MTMR12: variants seen among roughly 807,000 people sequenced by gnomAD.
MTMR12 encodes the protein myotubularin related protein 12.
A neutral mutation model predicts 96.7 loss-of-function variants in MTMR12; 33 were observed. The ratio of observed to expected loss-of-function variants is 0.34; its 90% CI spans 0.26 to 0.46. The LOEUF is 0.46. Ranked by LOEUF, MTMR12 falls within the 20% of genes least tolerant of loss-of-function variation. MTMR12 has a pLI of 1.00. For synonymous variants in MTMR12, 298 were observed against 327.2 expected, an observed-to-expected ratio of 0.91 and a Z score of 0.96; for missense variants, 721 against 896.1, an observed-to-expected ratio of 0.80 and a Z score of 2.49.
chr5:32,311,883 G>A (rs756281884), intron 1 of MTMR12, among the ~76,000 whole-genome samples: 1 of 152,112 alleles, frequency 6.6e-6, no homozygotes, highest in Non-Finnish European at 1.5e-5. Flanking sequence ...CCACCTTTGC[G>A]AGGAGGAAAA....
chr5:32,244,116 T>C (rs1456523315), intron 10 of MTMR12, among the ~76,000 whole-genome samples: 2 of 152,052 alleles, frequency 1.3e-5, no homozygotes, highest in Non-Finnish European at 2.9e-5. Context: ...CCAATATATT[T>C]AAAAGCTGCA....
At chr5:32,310,925 G>A (rs1471838968) in intron 1 of MTMR12, among the ~76,000 whole-genome samples, 1 of 149,986 alleles carries the variant, frequency 6.7e-6, no homozygotes, top group Non-Finnish European at 1.5e-5. Context: ...CCAAGCTGTA[G>A]TGCAGTGGCG....
At position 32,233,030 on chromosome 5, in the gene MTMR12, GT is replaced by G; in HGVS notation, c.1674+742del. The G allele has an allele frequency of 1.0e-6, 1 of 982,446 alleles. No individual in the cohort carries two copies. The highest frequency in any genetic ancestry group is 4.7e-5 in the South Asian group (1 of 21,230). 60.9% of individuals were successfully genotyped at this position (982,446 alleles called of 1,614,324 possible). The stretch of plus-strand genomic sequence containing the variant: ...GGGCCTGGAGACAGAGCTAGGAAAT[GT>G]CAGTTAAATAATTCATCAGTTAGGG... On this transcript the variant is annotated intron_variant, in intron 15 of 15. Coordinates refer to ENST00000382142, the MANE Select transcript of MTMR12 (RefSeq NM_001040446.3). The surrounding 1 kb of genome is among the most constrained non-coding windows in gnomAD (Gnocchi z 5.0).
At chr5:32,239,929 G>A (rs1748398138) in intron 12 of MTMR12, among the ~76,000 whole-genome samples, 1 of 152,160 alleles carries the variant, frequency 6.6e-6, no homozygotes, top group Non-Finnish European at 1.5e-5. Flanking sequence ...TCATGACTTA[G>A]AGCAAAAGAA....
intron 10 of MTMR12, among the ~76,000 whole-genome samples, chr5:32,244,652 G>A (rs1433149888): frequency 6.6e-6 from 1 of 152,132 alleles, no homozygotes; most frequent in East Asian, 1.9e-4. Flanking sequence ...ATCCCTGAAA[G>A]TCCTGAGTGA....
chr5:32,248,443 TTTTG>T (rs1748782931), intron 9 of MTMR12, among the ~76,000 whole-genome samples: 2 of 118,768 alleles, frequency 1.7e-5, no homozygotes. Flanking sequence ...TTTTGCTTTG[TTTTG>T]TTTAATTTGA....
intron 15 of MTMR12, among the ~76,000 whole-genome samples, chr5:32,231,570 A>G (rs2111973812): frequency 6.6e-6 from 1 of 152,318 alleles, no homozygotes; most frequent in East Asian, 1.9e-4. Context: ...ACTCTCTAAC[A>G]TATTTCCATC....
chr5:32,253,622 T>A (rs779718586), intron 8 of MTMR12, among the ~76,000 whole-genome samples: 1 of 152,150 alleles, frequency 6.6e-6, no homozygotes, highest in Non-Finnish European at 1.5e-5. Context: ...TTCTCACAGT[T>A]TTCTTTTCTT....
intron 1 of MTMR12, among the ~76,000 whole-genome samples, chr5:32,307,812 T>C (rs577763316): frequency 6.6e-6 from 1 of 152,352 alleles, no homozygotes; most frequent in East Asian, 1.9e-4. Context: ...TAAGCACTTT[T>C]GTTTCCACCA....
chr5:32,273,911 GAA>G, intron 3 of MTMR12, 67 bp downstream of exon 3: 1 of 1,595,586 alleles, frequency 6.3e-7, no homozygotes, highest in Non-Finnish European at 8.6e-7. Flanking sequence ...GAGAAGCTGG[GAA>G]AAAAAGACAA....
At chr5:32,255,848 T>C in intron 7 of MTMR12, 80 bp from the exon 8 acceptor site, 1 of 1,234,936 alleles carries the variant, frequency 8.1e-7, no homozygotes, top group Non-Finnish European at 1.2e-6. Flanking sequence ...ATGGATACGA[T>C]GAATACAAGC....
chr5:32,298,952 CAAA>C (rs766708610), intron 1 of MTMR12, among the ~76,000 whole-genome samples: 4 of 54,638 alleles, frequency 7.3e-5, no homozygotes, highest in Non-Finnish European at 7.5e-5. Context: ...GACTCCATCT[CAAA>C]AAAAAAAAAA....
At chr5:32,287,161 G>C (rs1186921916) in intron 1 of MTMR12, among the ~76,000 whole-genome samples, 1 of 152,224 alleles carries the variant, frequency 6.6e-6, no homozygotes, top group Admixed American at 6.5e-5. Context: ...ATGGCCATGT[G>C]ATGGTTAATA....
At chr5:32,241,572 C>T (rs975269993) in intron 12 of MTMR12, among the ~76,000 whole-genome samples, 15 of 152,188 alleles carry the variant, frequency 9.9e-5, no homozygotes, top group Admixed American at 2.0e-4. Context: ...CACTTGCTTT[C>T]GCACATTCTG....
chr5:32,299,076 T>TACACAC (rs1305155902), intron 1 of MTMR12, among the ~76,000 whole-genome samples: 1 of 149,328 alleles, frequency 6.7e-6, no homozygotes, highest in African/African-American at 2.5e-5. Context: ...CACATACACA[T>TACACAC]ACACACACAC....
intron 5 of MTMR12, among the ~76,000 whole-genome samples, chr5:32,270,169 G>T (rs1379307475): frequency 1.3e-5 from 2 of 151,376 alleles, no homozygotes; most frequent in African/African-American, 4.9e-5. Flanking sequence ...GATACCACTG[G>T]ACTTCAGCCG....
At chr5:32,235,558 C>T (rs1052531876) in intron 13 of MTMR12, among the ~76,000 whole-genome samples, 5 of 151,854 alleles carry the variant, frequency 3.3e-5, no homozygotes, top group South Asian at 2.1e-4. Context: ...TGAAAAGTTA[C>T]GGGGGGTGGG....
chr5:32,241,117 G>A (rs75709308), intron 12 of MTMR12, among the ~76,000 whole-genome samples: 2,175 of 152,246 alleles, frequency 0.014, 63 homozygotes, highest in African/African-American at 0.049. Context: ...GAGTCCTTCC[G>A]TTTCTTAGAC....
intron 8 of MTMR12, among the ~76,000 whole-genome samples, chr5:32,252,354 T>C (rs561292759): frequency 5.4e-4 from 82 of 152,268 alleles, no homozygotes; most frequent in Non-Finnish European, 9.0e-4. Context: ...TTTTATGTTA[T>C]GTGTATTTTA....
Sources: allele counts gnomAD v4.1 joint callset (sites outside exome capture counted in the v4.1 genomes callset), GRCh38; gene constraint gnomAD v4.1.1; non-coding constraint Gnocchi (gnomAD v3.1); transcripts MANE v1.5; gene names NCBI Gene and HGNC (gene_info 2026-07-23, HGNC 2026-07-21).